The following SPAG9 variants were observed in gnomAD, a reference collection of about 807,000 sequenced individuals.
SPAG9 encodes the protein sperm associated antigen 9.
A neutral mutation model predicts 166.5 loss-of-function variants in SPAG9; 35 were observed. The ratio of observed to expected loss-of-function variants is 0.21; its 90% CI spans 0.16 to 0.28. SPAG9 has a LOEUF of 0.28. Among genes scored for constraint, SPAG9 ranks in the 10% least tolerant of loss-of-function variants. The pLI is 1.00. For synonymous variants in SPAG9, 534 were observed against 565.5 expected, an observed-to-expected ratio of 0.94 and a Z score of 0.79; for missense variants, 1,235 against 1,603.3, an observed-to-expected ratio of 0.77 and a Z score of 3.92.
chr17:51,001,946 A>G, intron 12 of SPAG9, 101 bp from the exon 13 acceptor site: 1 of 1,084,852 alleles, frequency 9.2e-7, no homozygotes, highest in Non-Finnish European at 1.3e-6. Flanking sequence ...AGCATTCCTT[A>G]ATTTTTAATC....
chr17:51,020,322 CTGT>C, intron 7 of SPAG9, 64 bp from the exon 8 acceptor site: 1 of 1,147,060 alleles, frequency 8.7e-7, no homozygotes, highest in Non-Finnish European at 1.3e-6. Flanking sequence ...TATAAAAATC[CTGT>C]TGTTTTTATG....
At chr17:51,063,263 T>G (rs2047567591) in intron 2 of SPAG9, among the ~76,000 whole-genome samples, 1 of 151,058 alleles carries the variant, frequency 6.6e-6, no homozygotes, top group East Asian at 2.0e-4. Context: ...ACAAAAAAAT[T>G]TAGCTGGGCG....
chr17:50,968,666 G>C (rs968673867), intron 29 of SPAG9, among the ~76,000 whole-genome samples: 1 of 152,122 alleles, frequency 6.6e-6, no homozygotes, highest in Admixed American at 6.5e-5. Context: ...GGGAGGTGGA[G>C]GTTGCAGTGA....
chr17:50,995,763 G>A (rs552126943), intron 16 of SPAG9: 1 of 447,172 alleles, frequency 2.2e-6, no homozygotes, highest in African/African-American at 2.0e-5. Flanking sequence ...TCAGGCTTAA[G>A]CGGTCCCCTC....
intron 1 of SPAG9, among the ~76,000 whole-genome samples, chr17:51,106,147 A>G (rs1199433251): frequency 7.0e-6 from 1 of 143,444 alleles, no homozygotes; most frequent in Non-Finnish European, 1.5e-5. Flanking sequence ...ACACACACAC[A>G]CACACACTAG....
intron 1 of SPAG9, among the ~76,000 whole-genome samples, chr17:51,110,390 A>G (rs1471795595): frequency 2.0e-5 from 3 of 148,840 alleles, no homozygotes; most frequent in Non-Finnish European, 4.5e-5. Context: ...TAACCTTACA[A>G]AAAAAAAAAA....
intron 3 of SPAG9, among the ~76,000 whole-genome samples, chr17:51,054,307 G>C (rs2047296392): frequency 6.6e-6 from 1 of 151,498 alleles, no homozygotes; most frequent in Admixed American, 6.6e-5. Context: ...TTTTTTGGTA[G>C]AGTCGGGGTT....
At chr17:51,049,395 G>C (rs989218553) in intron 3 of SPAG9, among the ~76,000 whole-genome samples, 1 of 151,116 alleles carries the variant, frequency 6.6e-6, no homozygotes. Flanking sequence ...AATAAAAGAG[G>C]TCAGGTGCAG....
At chr17:51,068,736 T>C (rs1250846803) in intron 2 of SPAG9, among the ~76,000 whole-genome samples, 2 of 152,224 alleles carry the variant, frequency 1.3e-5, no homozygotes, top group African/African-American at 2.4e-5. Flanking sequence ...ATTCGTATTT[T>C]CCCTGTTCTC....
At chr17:51,082,810 T>A (rs1449841614) in intron 1 of SPAG9, among the ~76,000 whole-genome samples, 1 of 152,186 alleles carries the variant, frequency 6.6e-6, no homozygotes, top group Non-Finnish European at 1.5e-5. Flanking sequence ...CATGGGTTTT[T>A]GTTTTTGTTT....
chr17:50,969,426 A>G (rs1353717333), intron 29 of SPAG9, among the ~76,000 whole-genome samples: 1 of 151,992 alleles, frequency 6.6e-6, no homozygotes, highest in South Asian at 2.1e-4. Flanking sequence ...ATCTGTTCAC[A>G]CTGTTACTAC....
intron 1 of SPAG9, among the ~76,000 whole-genome samples, chr17:51,088,423 T>A (rs368051192): frequency 2.0e-5 from 3 of 152,186 alleles, no homozygotes; most frequent in East Asian, 1.9e-4. Flanking sequence ...ATCAAAGACG[T>A]ATCATAAACA....
chr17:50,987,882 T>C (rs1226075467), intron 21 of SPAG9, among the ~76,000 whole-genome samples: 1 of 152,210 alleles, frequency 6.6e-6, no homozygotes, highest in Non-Finnish European at 1.5e-5. Flanking sequence ...GTAAAAGATA[T>C]ATAACCAGGC....
At chr17:50,980,853 T>C (rs1441469539) in intron 25 of SPAG9, among the ~76,000 whole-genome samples, 1 of 151,694 alleles carries the variant, frequency 6.6e-6, no homozygotes. Flanking sequence ...TAAAGAAAAA[T>C]TAGTCAGGTA....
chr17:50,981,491 T>C (rs760535918), intron 25 of SPAG9, among the ~76,000 whole-genome samples: 1 of 73,692 alleles, frequency 1.4e-5, no homozygotes, highest in Admixed American at 1.6e-4. Context: ...TAAAGATAGA[T>C]AGATAGATAG....
chr17:51,098,914 A>G (rs2048720491), intron 1 of SPAG9, among the ~76,000 whole-genome samples: 1 of 151,570 alleles, frequency 6.6e-6, no homozygotes, highest in Non-Finnish European at 1.5e-5. Context: ...ATCCTGGCCA[A>G]TATGCTGAAA....
At chr17:51,069,929 A>C (rs951304582) in intron 2 of SPAG9, among the ~76,000 whole-genome samples, 1 of 152,184 alleles carries the variant, frequency 6.6e-6, no homozygotes, top group South Asian at 2.1e-4. Flanking sequence ...TAAAGGAAGG[A>C]AGGGCGGAAT....
chr17:50,974,696 A>G, intron 28 of SPAG9, 75 bp downstream of exon 28: 1 of 1,321,452 alleles, frequency 7.6e-7, no homozygotes, highest in Non-Finnish European at 1.0e-6. Flanking sequence ...GCCTTAGACT[A>G]TTAGGTAGTG....
intron 2 of SPAG9, among the ~76,000 whole-genome samples, chr17:51,063,580 A>C (rs1273814500): frequency 6.6e-6 from 1 of 152,158 alleles, no homozygotes; most frequent in Non-Finnish European, 1.5e-5. Flanking sequence ...ATTTTGCAAC[A>C]TCTAAAATAA....
Sources: gnomAD v4.1 joint callset for allele counts (sites outside exome capture counted in the v4.1 genomes callset) on GRCh38, gnomAD v4.1.1 for gene constraint, MANE v1.5 for transcripts, NCBI Gene and HGNC (gene_info 2026-07-23, HGNC 2026-07-21) for gene names.